ST8SIA1: variants seen among roughly 807,000 people sequenced by gnomAD.
ST8SIA1 encodes the protein ST8 alpha-N-acetyl-neuraminide alpha-2,8-sialyltransferase 1.
ST8SIA1 carries 16 observed loss-of-function variants against 35.9 expected under a neutral mutation model. The observed-to-expected ratio is 0.45, with a 90% CI of 0.30 to 0.68. ST8SIA1 has a LOEUF of 0.68. Ranked by LOEUF, ST8SIA1 falls within the 30% of genes least tolerant of loss-of-function variation. ST8SIA1 has a pLI of 0.09. For missense variants in ST8SIA1, 383 were observed against 453.6 expected, an observed-to-expected ratio of 0.84 and a Z score of 1.41; for synonymous variants, 170 against 169.6, an observed-to-expected ratio of 1.00 and a Z score of -0.02.
chr12:22,311,482 C>A (rs920089071), intron 1 of ST8SIA1, among the ~76,000 whole-genome samples: 1 of 152,126 alleles, frequency 6.6e-6, no homozygotes, highest in African/African-American at 2.4e-5. Flanking sequence ...CAGTCCACAG[C>A]TATTTCTTCA....
chr12:22,216,268 T>C (rs1865232862), intron 4 of ST8SIA1, among the ~76,000 whole-genome samples: 1 of 152,202 alleles, frequency 6.6e-6, no homozygotes, highest in South Asian at 2.1e-4. Context: ...CAAGGGGGCA[T>C]TCTTCAAGGG....
At chr12:22,329,944 T>C (rs527449628) in intron 1 of ST8SIA1, among the ~76,000 whole-genome samples, 2 of 152,318 alleles carry the variant, frequency 1.3e-5, no homozygotes, top group African/African-American at 4.8e-5. Flanking sequence ...ATTAGATCCT[T>C]GATGTTTGTC....
chr12:22,251,243 T>C (rs1357575118), intron 3 of ST8SIA1, among the ~76,000 whole-genome samples: 1 of 152,158 alleles, frequency 6.6e-6, no homozygotes, highest in African/African-American at 2.4e-5. Flanking sequence ...TGCTGGAGAG[T>C]ACTGTCAACA....
intron 1 of ST8SIA1, among the ~76,000 whole-genome samples, chr12:22,321,026 G>GA (rs373901223): frequency 1.1e-3 from 92 of 85,788 alleles, no homozygotes; most frequent in Non-Finnish European, 1.8e-3. Flanking sequence ...AAGAAAGAAA[G>GA]AAAGAAAGAG....
In ST8SIA1 at chr12:22,333,724, T is replaced by C. The variant is rs992031136; in HGVS notation, c.236+273A>G. On this transcript the variant is annotated intron_variant, in intron 1 of 4. Transcript: ENST00000396037. ...CCCTCTGTTTTGTTTATCCGTAAAT[T>C]GTTAAATAAAACTCCGCTTTGGGAA... 7 of 619,640 alleles carry C rather than the reference T, an allele frequency of 1.1e-5. No individual in the cohort carries two copies. In the African/African-American group the frequency reaches 1.3e-4, roughly 11 times the overall value. The allele number at this position is 619,640 out of a possible 1,614,324, so 38.4% of individuals were successfully genotyped here. A position where few individuals can be genotyped will look rare whatever the true frequency, so the allele number is the denominator to read the frequency against.
chr12:22,328,101 C>T (rs920856065), intron 1 of ST8SIA1, among the ~76,000 whole-genome samples: 1 of 152,188 alleles, frequency 6.6e-6, no homozygotes, highest in East Asian at 1.9e-4. Flanking sequence ...CCGGACAGCA[C>T]TCCACAGCAA....
At chr12:22,331,145 A>G (rs1270088154) in intron 1 of ST8SIA1, among the ~76,000 whole-genome samples, 7 of 152,262 alleles carry the variant, frequency 4.6e-5, no homozygotes, top group Non-Finnish European at 1.0e-4. Context: ...ATGGAAGCAC[A>G]GAGGGCAAAA....
chr12:22,314,241 C>T (rs774458959), intron 1 of ST8SIA1, among the ~76,000 whole-genome samples: 11 of 152,150 alleles, frequency 7.2e-5, no homozygotes, highest in Admixed American at 2.0e-4. Context: ...CTACCCTTCA[C>T]GGTATGTTTT....
intron 4 of ST8SIA1, among the ~76,000 whole-genome samples, chr12:22,236,908 G>A (rs575912666): frequency 6.1e-4 from 93 of 152,206 alleles, no homozygotes; most frequent in Middle Eastern, 3.4e-3. Context: ...CAAGGTTACC[G>A]GAAAGATGTG....
At chr12:22,311,825 T>A (rs1361713779) in intron 1 of ST8SIA1, among the ~76,000 whole-genome samples, 1 of 152,164 alleles carries the variant, frequency 6.6e-6, no homozygotes, top group Non-Finnish European at 1.5e-5. Flanking sequence ...TAATAGTTTA[T>A]GTAGGAGATT....
At chr12:22,304,328 CTTTTTCTTTT>C (rs1360757598) in intron 1 of ST8SIA1, among the ~76,000 whole-genome samples, 55 of 103,902 alleles carry the variant, frequency 5.3e-4, no homozygotes, top group African/African-American at 1.9e-3. Flanking sequence ...TTGTCTTTTT[CTTTTTCTTTT>C]TTTTTTTTTT....
chr12:22,319,081 G>C (rs151156821), intron 1 of ST8SIA1, among the ~76,000 whole-genome samples: 1 of 152,120 alleles, frequency 6.6e-6, no homozygotes, highest in African/African-American at 2.4e-5. Flanking sequence ...ACTGCCCTTA[G>C]GTAAATAATT....
At chr12:22,241,880 C>G (rs375112833) in intron 4 of ST8SIA1, among the ~76,000 whole-genome samples, 10 of 152,038 alleles carry the variant, frequency 6.6e-5, no homozygotes, top group East Asian at 3.9e-4. Flanking sequence ...CCTCCTCCCC[C>G]CCATAAACTT....
rs1864993257 is a variant in ST8SIA1 at position 22,196,717 on chromosome 12, T to C, written c.*4835A>G. 6.6e-6 allele frequency: 1 copy of C among 152,278 alleles called. No individual in the cohort carries two copies. Among genetic ancestry groups the C allele is most frequent in the Admixed American group, 6.5e-5 (1 of 15,286 alleles). The allele number at this position is 152,278 out of a possible 1,614,324, so 9.4% of individuals were successfully genotyped here. A position where few individuals can be genotyped will look rare whatever the true frequency, so the allele number is the denominator to read the frequency against. On this transcript the variant is annotated 3_prime_UTR_variant, in exon 5 of 5. Coordinates refer to ENST00000396037, the MANE Select transcript of ST8SIA1 (RefSeq NM_003034.4). ...ATGAATGAGGGGGAAAAGTTCCACT[T>C]TAGAATCACTGGCAGGGCTATAACT...
At chr12:22,254,297 G>A (rs1001374995) in intron 3 of ST8SIA1, among the ~76,000 whole-genome samples, 1 of 151,778 alleles carries the variant, frequency 6.6e-6, no homozygotes, top group Admixed American at 6.6e-5. Context: ...CCTCCAGAAA[G>A]CCATTCTTTG....
At position 22,195,918 on chromosome 12, in the gene ST8SIA1, C is replaced by T. The variant is rs1249037101; in HGVS notation, c.*5634G>A. The stretch of plus-strand genomic sequence containing the variant: ...GTTTATTGGTGTTGTGTGAAGCATA[C>T]ATTTTAAAAATAAACATCAAAAGAA... On this transcript the variant is annotated 3_prime_UTR_variant, in exon 5 of 5. Coordinates refer to ENST00000396037, the MANE Select transcript of ST8SIA1 (RefSeq NM_003034.4). The T allele has an allele frequency of 1.3e-5, 2 of 152,100 alleles. No homozygotes were observed. Among genetic ancestry groups the T allele is most frequent in the Non-Finnish European group, 2.9e-5 (2 of 68,018 alleles). 9.4% of individuals were successfully genotyped at this position (152,100 alleles called of 1,614,324 possible).
At chr12:22,281,214 C>T (rs1019583492) in intron 2 of ST8SIA1, among the ~76,000 whole-genome samples, 3 of 152,104 alleles carry the variant, frequency 2.0e-5, no homozygotes, top group Non-Finnish European at 4.4e-5. Context: ...CACTTTTAAA[C>T]CCATTATCTC....
intron 1 of ST8SIA1, among the ~76,000 whole-genome samples, chr12:22,328,927 T>C (rs898155862): frequency 6.6e-6 from 1 of 152,206 alleles, no homozygotes; most frequent in Non-Finnish European, 1.5e-5. Flanking sequence ...TGAACACAGC[T>C]GACTTCAGAA....
chr12:22,261,018 A>G (rs891436940), intron 2 of ST8SIA1, among the ~76,000 whole-genome samples: 1 of 151,868 alleles, frequency 6.6e-6, no homozygotes, highest in African/African-American at 2.4e-5. Context: ...CTGGGGCTAC[A>G]GGCATGTACC....
Sources: gnomAD v4.1 joint callset for allele counts (sites outside exome capture counted in the v4.1 genomes callset) on GRCh38, gnomAD v4.1.1 for gene constraint, MANE v1.5 for transcripts, NCBI Gene and HGNC (gene_info 2026-07-23, HGNC 2026-07-21) for gene names.